FIG4: variants seen among roughly 807,000 people sequenced by gnomAD.
The protein encoded by FIG4 is FIG4 phosphoinositide 5-phosphatase.
FIG4 carries 112 observed loss-of-function variants against 118.6 expected under a neutral mutation model. The observed-to-expected ratio is 0.94, with a 90% CI of 0.81 to 1.11. The LOEUF is 1.11. FIG4 is among the 50% of genes least tolerant of loss of function. The pLI is 0.00. For synonymous variants in FIG4, 369 were observed against 381.2 expected (o/e 0.97, Z 0.37); for missense variants, 969 against 1,111.7 (o/e 0.87, Z 1.83).
intron 11 of FIG4, among the ~76,000 whole-genome samples, chr6:109,760,971 C>G (rs1736237148): frequency 1.3e-5 from 2 of 152,204 alleles, no homozygotes; most frequent in African/African-American, 2.4e-5. Flanking sequence ...AAACTCATCT[C>G]TTCTAAGGAA....
At chr6:109,756,211 G>T (rs918792422) in intron 10 of FIG4, among the ~76,000 whole-genome samples, 7 of 152,106 alleles carry the variant, frequency 4.6e-5, no homozygotes, top group African/African-American at 1.7e-4. Context: ...AGTTTGGCTG[G>T]ATATGAAATT....
At chr6:109,725,854 G>A (rs1192173593) in intron 3 of FIG4, among the ~76,000 whole-genome samples, 1 of 152,162 alleles carries the variant, frequency 6.6e-6, no homozygotes, top group Non-Finnish European at 1.5e-5. Context: ...GATAAGTGAT[G>A]ATGAGCTTTT....
At chr6:109,803,556 A>C (rs547629068) in intron 22 of FIG4, among the ~76,000 whole-genome samples, 1 of 152,256 alleles carries the variant, frequency 6.6e-6, no homozygotes, top group African/African-American at 2.4e-5. Flanking sequence ...TAGATTAGAG[A>C]GATTCAATAA....
chr6:109,815,393 C>G (rs112539731), intron 22 of FIG4, among the ~76,000 whole-genome samples: 2,705 of 152,064 alleles, frequency 0.018, 98 homozygotes, highest in African/African-American at 0.062. Context: ...CGTCCACATG[C>G]ATGCTCTCCT....
chr6:109,782,838 G>A (rs566002571), intron 16 of FIG4, among the ~76,000 whole-genome samples: 1 of 152,280 alleles, frequency 6.6e-6, no homozygotes, highest in East Asian at 1.9e-4. Flanking sequence ...TTCAGAGAAT[G>A]CATTGGCTAT....
intron 1 of FIG4, among the ~76,000 whole-genome samples, chr6:109,710,400 T>C (rs1269322533): frequency 1.3e-5 from 2 of 152,228 alleles, no homozygotes; most frequent in Non-Finnish European, 2.9e-5. Context: ...CACAAGGATA[T>C]TGGCCTGAAG....
At chr6:109,725,278 G>C (rs1775768580) in intron 3 of FIG4, among the ~76,000 whole-genome samples, 1 of 152,026 alleles carries the variant, frequency 6.6e-6, no homozygotes, top group South Asian at 2.1e-4. Flanking sequence ...GACAGGCCCT[G>C]GTGTGTGATG....
At chr6:109,768,479 A>G (rs1345489748) in intron 15 of FIG4, among the ~76,000 whole-genome samples, 1 of 152,206 alleles carries the variant, frequency 6.6e-6, no homozygotes, top group African/African-American at 2.4e-5. Flanking sequence ...GTAGCAGCTT[A>G]AAACAGTACA....
At chr6:109,740,688 A>G (rs1338767556) in intron 7 of FIG4, among the ~76,000 whole-genome samples, 1 of 152,176 alleles carries the variant, frequency 6.6e-6, no homozygotes, top group Non-Finnish European at 1.5e-5. Flanking sequence ...TTCATAATTG[A>G]AACAGCCTAT....
At chr6:109,752,609 A>C (rs1264460730) in intron 10 of FIG4, among the ~76,000 whole-genome samples, 1 of 151,982 alleles carries the variant, frequency 6.6e-6, no homozygotes, top group Non-Finnish European at 1.5e-5. Flanking sequence ...GCATTTTTTC[A>C]TGTGTCTGTT....
chr6:109,712,007 G>T (rs1402893998), intron 1 of FIG4, among the ~76,000 whole-genome samples: 1 of 152,154 alleles, frequency 6.6e-6, no homozygotes, highest in Non-Finnish European at 1.5e-5. Flanking sequence ...TTTCTCCTTT[G>T]CTTACGAAGC....
intron 7 of FIG4, 42 bp from the exon 8 acceptor site, chr6:109,741,402 T>G (rs1248846345): frequency 2.5e-6 from 3 of 1,194,710 alleles, no homozygotes; most frequent in Non-Finnish European, 3.8e-6. Flanking sequence ...TGGTCTTATG[T>G]GACAGTCATG....
At chr6:109,820,855 A>C (rs1352643718) in intron 22 of FIG4, among the ~76,000 whole-genome samples, 1 of 152,208 alleles carries the variant, frequency 6.6e-6, no homozygotes. Flanking sequence ...AGGATGTGGA[A>C]GTAAACCCCC....
intron 7 of FIG4, among the ~76,000 whole-genome samples, chr6:109,741,047 CCA>C (rs1776308333): frequency 1.3e-5 from 2 of 152,234 alleles, no homozygotes; most frequent in South Asian, 4.1e-4. Context: ...CAATCACCTC[CCA>C]CCAGACCCTA....
intron 8 of FIG4, among the ~76,000 whole-genome samples, chr6:109,742,289 C>T (rs1776348398): frequency 6.6e-6 from 1 of 151,914 alleles, no homozygotes; most frequent in African/African-American, 2.4e-5. Flanking sequence ...AACGCTTTGC[C>T]CTCTTTGTCT....
chr6:109,741,539 T>A lies in FIG4; in HGVS notation c.871T>A (p.Cys291Ser). Residue 291 changes from cysteine (C) to serine (S), a missense_variant, in exon 8 of 23, where the codon TGT becomes AGT. Cys to Ser is a moderately radical substitution (Grantham distance 112). This residue lies in a region of FIG4 where 393 missense variants were observed against 409.4 expected (regional missense o/e 0.96). Transcript: ENST00000230124. ...GTRFLKRGANCEGDVANEVET... is the reference protein window; with the variant it reads ...GTRFLKRGANSEGDVANEVET... ...CCGTTTTCTTAAAAGAGGTGCAAAC[T>A]GTGAGGTAAGATGACAAACAGTATC... is the stretch of plus-strand genomic sequence containing the variant. 1.3e-6 allele frequency: 2 copies of A among 1,596,268 alleles called. No homozygotes were observed. The highest frequency in any genetic ancestry group is 1.7e-6 in the Non-Finnish European group (2 of 1,163,874).
intron 3 of FIG4, among the ~76,000 whole-genome samples, chr6:109,719,924 C>G (rs1775555720): frequency 6.6e-6 from 1 of 152,058 alleles, no homozygotes; most frequent in Non-Finnish European, 1.5e-5. Context: ...AATTGATAAC[C>G]AAGTTTGTAA....
chr6:109,701,586 A>T (rs1046346586), intron 1 of FIG4: 2 of 415,466 alleles, frequency 4.8e-6, no homozygotes. Context: ...GAAAGTTGTT[A>T]GGATAATTTT....
chr6:109,740,264 G>A (rs1776283513), intron 7 of FIG4, among the ~76,000 whole-genome samples: 1 of 152,092 alleles, frequency 6.6e-6, no homozygotes, highest in Admixed American at 6.5e-5. Flanking sequence ...GTAAATGTTT[G>A]TTTTTTAAAA....
Sources: gnomAD v4.1 joint callset for allele counts (sites outside exome capture counted in the v4.1 genomes callset) on GRCh38, gnomAD v4.1.1 for gene constraint, gnomAD v4.1.1 regional missense constraint, MANE v1.5 for transcripts, NCBI Gene and HGNC (gene_info 2026-07-23, HGNC 2026-07-21) for gene names.